The following SEC23B variants were observed in gnomAD, a reference collection of about 807,000 sequenced individuals.
SEC23B encodes SEC23 homolog B, COPII component.
SEC23B carries 77 observed loss-of-function variants against 104.3 expected under a neutral mutation model. The ratio of observed to expected loss-of-function variants is 0.74; its 90% CI spans 0.61 to 0.89. The LOEUF (loss-of-function observed/expected upper bound fraction) is 0.89. Ranked by LOEUF, SEC23B falls within the 40% of genes least tolerant of loss-of-function variation. The probability of loss-of-function intolerance (pLI) is 0.00; values close to 1 mark genes in which losing one functional copy is unlikely to be tolerated. For missense variants in SEC23B, 885 were observed against 949.4 expected (o/e 0.93, Z 0.89); for synonymous variants, 338 against 332.5 (o/e 1.02, Z -0.18).
rs759146033 is a variant in SEC23B, at chr20:18,510,917, C to T, written c.82C>T (p.Arg28Trp). 2.2e-5 allele frequency: 35 copies of T among 1,613,990 alleles called. No individual in the cohort carries two copies. Among genetic ancestry groups the T allele is most frequent in the Middle Eastern group, 3.3e-4 (2 of 6,084 alleles). The change falls in exon 2 of 20, where the codon CGG becomes TGG. Residue 28 changes from arginine (R) to tryptophan (W), a missense_variant. Transcript: ENST00000650089. ...RFSWNVWPSS[R>W]LEATRMVVPL... ...TAGTTGGAACGTGTGGCCTTCCAGC[C>T]GGCTGGAGGCTACAAGAATGGTTGT...
chr20:18,531,221 G>A (rs1208693495), intron 10 of SEC23B, among the ~76,000 whole-genome samples: 1 of 152,194 alleles, frequency 6.6e-6, no homozygotes, highest in Non-Finnish European at 1.5e-5. Context: ...AAGTAGGGTG[G>A]GTGTTATGAG....
chr20:18,532,436 G>T (rs1324312772), intron 10 of SEC23B, among the ~76,000 whole-genome samples: 1 of 152,218 alleles, frequency 6.6e-6, no homozygotes, highest in Non-Finnish European at 1.5e-5. Flanking sequence ...AGTTGTGAGA[G>T]TTGAAAATGC....
chr20:18,511,982 A>G (rs2059985709), intron 2 of SEC23B, among the ~76,000 whole-genome samples: 2 of 152,248 alleles, frequency 1.3e-5, no homozygotes, highest in Non-Finnish European at 2.9e-5. Context: ...GGAAATTGGA[A>G]AAGAGAAAAA....
chr20:18,546,573 A>G (rs964052941), intron 15 of SEC23B, among the ~76,000 whole-genome samples: 1 of 152,214 alleles, frequency 6.6e-6, no homozygotes, highest in Non-Finnish European at 1.5e-5. Context: ...TCTCCATTGT[A>G]ACTTAGGAAA....
At chr20:18,542,186 G>C in intron 12 of SEC23B, 110 bp from the exon 13 acceptor site, 1 of 947,052 alleles carries the variant, frequency 1.1e-6, no homozygotes, top group Non-Finnish European at 1.7e-6. Flanking sequence ...AATGTGTCAA[G>C]AACCTTCCTG....
At chr20:18,531,595 G>A (rs1378031099) in intron 10 of SEC23B, among the ~76,000 whole-genome samples, 1 of 150,970 alleles carries the variant, frequency 6.6e-6, no homozygotes, top group African/African-American at 2.4e-5. Flanking sequence ...GGCGGAGGTT[G>A]CGGTGAGCCA....
intron 1 of SEC23B, 28 bp from the exon 2 acceptor site, chr20:18,510,794 A>G: frequency 1.3e-6 from 2 of 1,503,092 alleles, no homozygotes; most frequent in Non-Finnish European, 9.3e-7. Context: ...TTCACATACC[A>G]TTAAGGTAAT....
intron 4 of SEC23B, among the ~76,000 whole-genome samples, chr20:18,516,534 CT>C (rs145877490): frequency 0.67 from 95,342 of 142,568 alleles, 33,380 homozygotes; most frequent in Non-Finnish European, 0.79. Context: ...TTTTTGGGCT[CT>C]TTTTTTTTTC....
chr20:18,528,447 C>G (rs2060153315), intron 9 of SEC23B, among the ~76,000 whole-genome samples: 1 of 152,206 alleles, frequency 6.6e-6, no homozygotes, highest in Non-Finnish European at 1.5e-5. Context: ...GCATCTTGAG[C>G]CTCACTCTAG....
At chr20:18,538,660 A>G (rs980533110) in intron 12 of SEC23B, among the ~76,000 whole-genome samples, 1 of 152,158 alleles carries the variant, frequency 6.6e-6, no homozygotes, top group Non-Finnish European at 1.5e-5. Context: ...CTTTTTACCC[A>G]CAGTAGAACT....
intron 12 of SEC23B, among the ~76,000 whole-genome samples, chr20:18,537,687 GTAAC>G (rs1206070231): frequency 6.6e-6 from 1 of 152,034 alleles, no homozygotes; most frequent in Non-Finnish European, 1.5e-5. Flanking sequence ...GTATACATAT[GTAAC>G]TAACCTGCAC....
At chr20:18,548,854 G>A in intron 16 of SEC23B, 84 bp downstream of exon 16, 3 of 1,397,850 alleles carry the variant, frequency 2.1e-6, no homozygotes, top group East Asian at 4.6e-5. Flanking sequence ...TAGCAGAACT[G>A]TAAAAAAGAA....
chr20:18,553,571 A>G (rs750203261), intron 17 of SEC23B, among the ~76,000 whole-genome samples: 7 of 152,272 alleles, frequency 4.6e-5, no homozygotes, highest in Non-Finnish European at 1.0e-4. Flanking sequence ...GTTGTGGATG[A>G]GTATAAAAGA....
At position 18,527,548 on chromosome 20, in the gene SEC23B, T is replaced by C. The variant is rs1767214165; in HGVS notation, c.1046T>C (p.Ile349Thr). The C allele has an allele frequency of 1.2e-6, 2 of 1,613,902 alleles. No individual in the cohort carries two copies. Among genetic ancestry groups the C allele is most frequent in the African/African-American group, 2.7e-5 (2 of 75,062 alleles). The change falls in exon 9 of 20, where the codon ATT (isoleucine) becomes ACT (threonine). Residue 349 changes from isoleucine to threonine, a missense_variant. Transcript: ENST00000650089. ...GCTGCAAATGGTCACTGCATTGATA[T>C]TTATGCTTGTGCCCTTGATCAAACT... ...RTAANGHCID[I>T]YACALDQTGL...
At chr20:18,533,679 A>C (rs2060205107) in intron 11 of SEC23B, among the ~76,000 whole-genome samples, 1 of 152,142 alleles carries the variant, frequency 6.6e-6, no homozygotes, top group Non-Finnish European at 1.5e-5. Flanking sequence ...ACATAAATTA[A>C]ACTTTTGTTG....
intron 11 of SEC23B, among the ~76,000 whole-genome samples, chr20:18,533,752 GCTGCCCTAA>G (rs1416795251): frequency 1.3e-5 from 2 of 152,250 alleles, no homozygotes; most frequent in East Asian, 3.9e-4. Flanking sequence ...GAGGCAGATT[GCTGCCCTAA>G]AGCCCATCTG....
chr20:18,511,096 A>T, intron 2 of SEC23B, 40 bp downstream of exon 2: 2 of 1,457,758 alleles, frequency 1.4e-6, no homozygotes. Context: ...GATAAATACA[A>T]TATATTATGA....
intron 3 of SEC23B, among the ~76,000 whole-genome samples, chr20:18,514,023 A>G (rs557190763): frequency 6.6e-6 from 1 of 152,374 alleles, no homozygotes; most frequent in African/African-American, 2.4e-5. Flanking sequence ...TAATGAGTAT[A>G]AAGGACTTAG....
chr20:18,509,470 C>G (rs1844516305), intron 1 of SEC23B: 2 of 152,156 alleles, frequency 1.3e-5, no homozygotes, highest in South Asian at 4.1e-4. Context: ...CCCTTGAACC[C>G]CAATAGCTGA....
Sources: allele counts gnomAD v4.1 joint callset (sites outside exome capture counted in the v4.1 genomes callset), GRCh38; gene constraint gnomAD v4.1.1; transcripts MANE v1.5; gene names NCBI Gene and HGNC (gene_info 2026-07-23, HGNC 2026-07-21).